CACNA1C: variants seen among roughly 807,000 people sequenced by gnomAD.
The protein encoded by CACNA1C is voltage-dependent L-type calcium channel subunit alpha-1C.
Under a neutral mutation model 229.0 loss-of-function variants are expected in CACNA1C, and 30 were observed. That is an observed-to-expected ratio of 0.13 (90% CI 0.10 to 0.18). The LOEUF (loss-of-function observed/expected upper bound fraction) is 0.18, where lower values mean the gene tolerates loss of function less well. Ranked by LOEUF, CACNA1C falls within the 10% of genes least tolerant of loss-of-function variation. CACNA1C has a pLI of 1.00. For missense variants in CACNA1C, 1,658 were observed against 2,845.0 expected (o/e 0.58, Z 9.49); for synonymous variants, 1,114 against 1,132.5 (o/e 0.98, Z 0.33).
chr12:2,218,696 G>A (rs745795339), intron 3 of CACNA1C, among the ~76,000 whole-genome samples: 1 of 152,226 alleles, frequency 6.6e-6, no homozygotes, highest in Non-Finnish European at 1.5e-5. Context: ...AACATTTGAT[G>A]TCCGGGCTAC....
intron 9 of CACNA1C, among the ~76,000 whole-genome samples, chr12:2,534,097 G>C (rs547780774): frequency 3.9e-5 from 6 of 152,116 alleles, no homozygotes; most frequent in Non-Finnish European, 8.8e-5. Flanking sequence ...TTGTGCATGT[G>C]GGGGAGTGGT....
chr12:2,223,547 T>C (rs1191020933), intron 3 of CACNA1C: 1 of 152,220 alleles, frequency 6.6e-6, no homozygotes, highest in Non-Finnish European at 1.5e-5. Context: ...TTCATCGTCC[T>C]TCCTGTGGTG....
At chr12:2,483,246 C>A (rs1229905160) in intron 5 of CACNA1C, among the ~76,000 whole-genome samples, 1 of 152,204 alleles carries the variant, frequency 6.6e-6, no homozygotes, top group Non-Finnish European at 1.5e-5. Context: ...CATTTGAGAC[C>A]AAACTGGGGA....
At chr12:2,391,037 C>T (rs7968680) in intron 3 of CACNA1C, among the ~76,000 whole-genome samples, 110,854 of 151,978 alleles carry the variant, frequency 0.73, 41,392 homozygotes, top group Non-Finnish European at 0.82. Context: ...AAGAGGCAAC[C>T]CTAAGAGAGC....
In CACNA1C at chr12:2,486,319, C is replaced by G; in HGVS notation, c.916+57C>G. 6.8e-7 allele frequency: 1 copy of G among 1,464,232 alleles called. No homozygotes were observed. The highest frequency in any genetic ancestry group is 1.4e-5 in the African/African-American group (1 of 72,142). 90.7% of individuals were successfully genotyped at this position (1,464,232 alleles called of 1,614,324 possible). On this transcript the variant is annotated intron_variant, in intron 6 of 46. Coordinates refer to ENST00000399655, the MANE Select transcript of CACNA1C (RefSeq NM_000719.7). The surrounding 1 kb of genome is among the most constrained non-coding windows in gnomAD (Gnocchi z 4.9). ...CCCTGCCCTCTATCGCTCCCAGCAC[C>G]TTTCCCGCTGCTGGCTACACCAACA...
At chr12:2,378,779 GTCCTTCCTTCCTTCCTTCCT>G (rs146245294) in intron 3 of CACNA1C, among the ~76,000 whole-genome samples, 19 of 144,024 alleles carry the variant, frequency 1.3e-4, no homozygotes, top group Non-Finnish European at 2.7e-4. Flanking sequence ...GTTTATTTGG[GTCCTTCCTTCCTTCCTTCCT>G]TCCTTCCTTC....
chr12:2,375,827 T>C (rs1434827095), intron 3 of CACNA1C, among the ~76,000 whole-genome samples: 1 of 152,252 alleles, frequency 6.6e-6, no homozygotes, highest in East Asian at 1.9e-4. Context: ...CAGAGCTCAC[T>C]GGTAACTCAG....
chr12:2,280,179 C>A (rs1175038961), intron 3 of CACNA1C, among the ~76,000 whole-genome samples: 3 of 146,806 alleles, frequency 2.0e-5, no homozygotes, highest in Non-Finnish European at 4.5e-5. Context: ...CCTCTTGATA[C>A]TTTGCTGTGC....
At chr12:2,144,395 A>C (rs1432419117) in intron 3 of CACNA1C, among the ~76,000 whole-genome samples, 1 of 151,210 alleles carries the variant, frequency 6.6e-6, no homozygotes. Context: ...CAGAATTTCC[A>C]AAGTTCAGTC....
intron 1 of CACNA1C, among the ~76,000 whole-genome samples, chr12:2,060,823 C>G (rs1403915082): frequency 6.6e-6 from 1 of 152,216 alleles, no homozygotes; most frequent in African/African-American, 2.4e-5. Context: ...CTTTAGAGAA[C>G]CAAGCCAAAA....
At chr12:2,169,951 A>G (rs2239014) in intron 3 of CACNA1C, among the ~76,000 whole-genome samples, 82,623 of 151,934 alleles carry the variant, frequency 0.54, 24,246 homozygotes, top group African/African-American at 0.77. Flanking sequence ...GAGTGGGGTG[A>G]GGTGAGCTTG....
intron 3 of CACNA1C, among the ~76,000 whole-genome samples, chr12:2,361,187 C>T (rs899312090): frequency 6.6e-6 from 1 of 151,562 alleles, no homozygotes; most frequent in East Asian, 1.9e-4. Flanking sequence ...AAAAAAGCTC[C>T]AATATCAATT....
At chr12:2,579,561 T>G (rs946248622) in intron 13 of CACNA1C, among the ~76,000 whole-genome samples, 2 of 151,858 alleles carry the variant, frequency 1.3e-5, no homozygotes, top group African/African-American at 4.9e-5. Flanking sequence ...CTACTGGTAT[T>G]GTTGTTGTTC....
Position 2,185,873 on chromosome 12 carries a change from C to T in CACNA1C, c.477+65443C>T, listed in dbSNP as rs911666819. Among the ~76,000 whole-genome samples, 4 of 152,262 alleles carry T rather than the reference C, an allele frequency of 2.6e-5. No homozygotes were observed. The East Asian group carries it at 5.8e-4, about 22-fold the overall frequency. The stretch of plus-strand genomic sequence containing the variant: ...GTGTCTTTGCCCGGTGGGCTCCAGC[C>T]GCGCCTGGGCAGCAGTCTAGACTTC... On this transcript the variant is annotated intron_variant, in intron 3 of 46. Transcript: ENST00000399655.
At chr12:2,321,464 A>G (rs149775495) in intron 3 of CACNA1C, among the ~76,000 whole-genome samples, 2 of 152,164 alleles carry the variant, frequency 1.3e-5, no homozygotes, top group East Asian at 3.9e-4. Context: ...TACATTAATT[A>G]GTTTATTAAT....
chr12:2,412,590 C>G (rs1301073742), intron 3 of CACNA1C, among the ~76,000 whole-genome samples: 1 of 152,224 alleles, frequency 6.6e-6, no homozygotes, highest in Non-Finnish European at 1.5e-5. Context: ...TGCCCTATCT[C>G]TGTCATTAAT....
At chr12:2,519,229 T>C (rs1210179502) in intron 9 of CACNA1C, among the ~76,000 whole-genome samples, 5 of 152,230 alleles carry the variant, frequency 3.3e-5, no homozygotes, top group Admixed American at 6.5e-5. Context: ...TAATTCACCG[T>C]TGTGTCCCCA....
At chr12:2,578,332 A>T in intron 13 of CACNA1C, among the ~76,000 whole-genome samples, 1 of 152,000 alleles carries the variant, frequency 6.6e-6, no homozygotes, top group African/African-American at 2.4e-5. Flanking sequence ...GGAGTTGGAG[A>T]AAGTGAGGGG....
intron 3 of CACNA1C, among the ~76,000 whole-genome samples, chr12:2,241,567 G>C (rs189091697): frequency 6.6e-6 from 1 of 152,136 alleles, no homozygotes. Context: ...TGGGTCTTCC[G>C]AAGACAGATG....
Sources: allele counts gnomAD v4.1 joint callset (sites outside exome capture counted in the v4.1 genomes callset), GRCh38; gene constraint gnomAD v4.1.1; non-coding constraint Gnocchi (gnomAD v3.1); transcripts MANE v1.5; gene names NCBI Gene and HGNC (gene_info 2026-07-23, HGNC 2026-07-21).